The following CNTN6 variants were observed in gnomAD, a reference collection of about 807,000 sequenced individuals.
The protein encoded by CNTN6 is contactin-6.
Under a neutral mutation model 122.8 loss-of-function variants are expected in CNTN6, and 137 were observed. That is an observed-to-expected ratio of 1.12 (90% CI 0.97 to 1.29). The LOEUF (loss-of-function observed/expected upper bound fraction) is 1.29, where lower values mean the gene tolerates loss of function less well. Ranked by LOEUF, CNTN6 falls within the 50% of genes most tolerant of loss-of-function variation. CNTN6 has a pLI of 0.00. For missense variants in CNTN6, 1,634 were observed against 1,223.4 expected (o/e 1.34, Z -5.01); for synonymous variants, 570 against 426.0 (o/e 1.34, Z -4.16).
chr3:1,249,604 C>G (rs1215036927), intron 4 of CNTN6, among the ~76,000 whole-genome samples: 1 of 152,136 alleles, frequency 6.6e-6, no homozygotes, highest in Non-Finnish European at 1.5e-5. Context: ...TTTAACAAGT[C>G]AATTGCAGGT....
chr3:1,245,943 AC>A (rs1232508014), intron 4 of CNTN6, among the ~76,000 whole-genome samples: 2 of 152,104 alleles, frequency 1.3e-5, no homozygotes, highest in African/African-American at 4.8e-5. Context: ...AAATCTCATA[AC>A]GTTTTAAGAA....
intron 1 of CNTN6, among the ~76,000 whole-genome samples, chr3:1,143,536 A>G (rs1311072794): frequency 6.6e-6 from 1 of 152,146 alleles, no homozygotes; most frequent in African/African-American, 2.4e-5. Flanking sequence ...GCTATTTTGC[A>G]TGTCAGTGAC....
In CNTN6 at chr3:1,160,344, G is replaced by GTATATATATATATA. The variant is rs56703431; in HGVS notation, c.55+12292_55+12305dup. Among the ~76,000 whole-genome samples, 273 of 111,062 alleles carry GTATATATATATATA rather than the reference G, an allele frequency of 2.5e-3. 1 individual carries two copies. Among genetic ancestry groups the GTATATATATATATA allele is most frequent in the East Asian group, 0.014 (49 of 3,484 alleles). The allele number at this position is 111,062 out of a possible 152,430, so 72.9% of individuals were successfully genotyped here. A position where few individuals can be genotyped will look rare whatever the true frequency, so the allele number is the denominator to read the frequency against. Reference sequence around the variant, plus strand: ...TCTCATCACACAATTTACTTTTACTGTATATATATATATATATATATATAC... The same window carrying GTATATATATATATA: ...TCTCATCACACAATTTACTTTTACTGTATATATATATATATATATATATATATATATATATATAC... On this transcript the variant is annotated intron_variant, in intron 2 of 22. Transcript: ENST00000446702.
intron 5 of CNTN6, among the ~76,000 whole-genome samples, chr3:1,294,007 G>A (rs973354729): frequency 6.6e-6 from 1 of 152,086 alleles, no homozygotes; most frequent in African/African-American, 2.4e-5. Flanking sequence ...AAATATTGCT[G>A]GTGGAAGTAT....
intron 20 of CNTN6, among the ~76,000 whole-genome samples, chr3:1,400,327 T>C (rs1268227409): frequency 6.6e-6 from 1 of 152,086 alleles, no homozygotes; most frequent in Non-Finnish European, 1.5e-5. Context: ...CTGAAAGCGC[T>C]AGACCAAGAT....
In CNTN6 at chr3:1,374,069, A is replaced by C. The variant is rs764312198; in HGVS notation, c.2091A>C (p.Ala697=). 2 of 1,612,362 alleles carry C rather than the reference A, an allele frequency of 1.2e-6. No individual in the cohort carries two copies. The highest frequency in any genetic ancestry group is 2.2e-5 in the South Asian group (2 of 91,006). Residue 697 remains alanine, a synonymous_variant, in exon 16 of 23, where the codon GCA becomes GCC. Coordinates refer to ENST00000446702, the MANE Select transcript of CNTN6 (RefSeq NM_001289080.2). ...CATCAGAATTGTTAAGAACTAAAGCATCAGGTAAAGAATCAATGTGTTCTA... is the reference window on the plus strand; with the variant it reads ...CATCAGAATTGTTAAGAACTAAAGCCTCAGGTAAAGAATCAATGTGTTCTA... ...SEPSELLRTK[A]SVPVVAPVNI...
intron 1 of CNTN6, among the ~76,000 whole-genome samples, chr3:1,142,968 G>GTATATATATATATATATATATA (rs3043051): frequency 2.3e-5 from 3 of 128,648 alleles, no homozygotes; most frequent in African/African-American, 9.3e-5. Context: ...GTGTGTGTGT[G>GTATATATATATATATATATATA]TATATATATA....
In CNTN6 at chr3:1,102,846, G is replaced by A. The variant is rs558493005; in HGVS notation, c.-83+9726G>A. 7.1e-4 allele frequency among the ~76,000 whole-genome samples: 106 copies of A among 150,068 alleles called. 1 individual carries two copies. The highest frequency in any genetic ancestry group is 2.1e-3 in the South Asian group (10 of 4,702). On this transcript the variant is annotated intron_variant, in intron 1 of 22. Coordinates refer to ENST00000446702, the MANE Select transcript of CNTN6 (RefSeq NM_001289080.2). ...GTCCAGGCCGGGAGCTGTGGCTCAC[G>A]CCTGTAATCCCAGCACTTTTGGAGG...
chr3:1,123,172 G>A (rs184726069), intron 1 of CNTN6, among the ~76,000 whole-genome samples: 18 of 151,798 alleles, frequency 1.2e-4, no homozygotes, highest in East Asian at 1.2e-3. Flanking sequence ...TTCCATAACC[G>A]TTTTCTAAAA....
chr3:1,139,595 T>G (rs1199235738), intron 1 of CNTN6, among the ~76,000 whole-genome samples: 3 of 152,092 alleles, frequency 2.0e-5, no homozygotes, highest in African/African-American at 7.2e-5. Context: ...AAAAAAAAAC[T>G]TCAGCTGAAT....
chr3:1,323,194 A>G (rs1465850208), intron 8 of CNTN6, among the ~76,000 whole-genome samples: 2 of 151,756 alleles, frequency 1.3e-5, no homozygotes, highest in Admixed American at 1.3e-4. Flanking sequence ...AGAAGTAGAA[A>G]TCTTAAGATT....
At chr3:1,281,096 C>G (rs754991434) in intron 5 of CNTN6, among the ~76,000 whole-genome samples, 1 of 152,202 alleles carries the variant, frequency 6.6e-6, no homozygotes, top group African/African-American at 2.4e-5. Context: ...GCCATCTAAT[C>G]TTATCTAATC....
At chr3:1,272,522 A>G (rs2095043610) in intron 4 of CNTN6, among the ~76,000 whole-genome samples, 1 of 147,618 alleles carries the variant, frequency 6.8e-6, no homozygotes, top group Non-Finnish European at 1.5e-5. Context: ...ATTCATACAT[A>G]GTAAATGGGA....
intron 1 of CNTN6, among the ~76,000 whole-genome samples, chr3:1,137,729 G>C (rs1221168442): frequency 6.6e-6 from 1 of 152,054 alleles, no homozygotes; most frequent in Admixed American, 6.6e-5. Flanking sequence ...TGTCATCCAG[G>C]CTCAGAAAAC....
intron 2 of CNTN6, among the ~76,000 whole-genome samples, chr3:1,195,716 G>A (rs1362918075): frequency 6.6e-6 from 1 of 152,052 alleles, no homozygotes; most frequent in East Asian, 1.9e-4. Context: ...AACATTTTCA[G>A]GCATATATTT....
At chr3:1,096,116 A>AG (rs2090510832) in intron 1 of CNTN6, among the ~76,000 whole-genome samples, 2 of 152,174 alleles carry the variant, frequency 1.3e-5, no homozygotes, top group South Asian at 4.1e-4. Context: ...TCTTTTGGAA[A>AG]TGTGTAAATG....
Position 1,339,476 on chromosome 3 carries a change from C to T in CNTN6, c.1364+9541C>T, listed in dbSNP as rs3772292. On this transcript the variant is annotated intron_variant, in intron 11 of 22. Transcript: ENST00000446702. The stretch of plus-strand genomic sequence containing the variant: ...GTCTCCTGGGGAAGGCAGACAAGCC[C>T]ACAGCTCCGGTGCAGTGGGGCATGT... Among the ~76,000 whole-genome samples the T allele has an allele frequency of 7.0e-4, 106 of 152,196 alleles. No individual in the cohort carries two copies. In the East Asian group the frequency reaches 0.019, roughly 28 times the overall value.
At position 1,267,736 on chromosome 3, in the gene CNTN6, G is replaced by A. The variant is rs537015650; in HGVS notation, c.359-10677G>A. The stretch of plus-strand genomic sequence containing the variant: ...ATTTATAAAAATTAACAAGTGGAGA[G>A]AAAGTGAGTTGTTTTTTGGCGTCCT... On this transcript the variant is annotated intron_variant, in intron 4 of 22. Transcript: ENST00000446702. Among the ~76,000 whole-genome samples the A allele has an allele frequency of 3.3e-5, 5 of 152,332 alleles. No homozygotes were observed. In the South Asian group the frequency reaches 1.0e-3, roughly 32 times the overall value.
intron 7 of CNTN6, among the ~76,000 whole-genome samples, chr3:1,317,652 T>G (rs1700279229): frequency 6.6e-6 from 1 of 151,666 alleles, no homozygotes; most frequent in South Asian, 2.1e-4. Context: ...AAAACCTCAG[T>G]GGAAAGAGAT....
Sources: gnomAD v4.1 joint callset for allele counts (sites outside exome capture counted in the v4.1 genomes callset) on GRCh38, gnomAD v4.1.1 for gene constraint, MANE v1.5 for transcripts, NCBI Gene and HGNC (gene_info 2026-07-23, HGNC 2026-07-21) for gene names.